The following TNKS variants were observed in gnomAD, a reference collection of about 807,000 sequenced individuals.
The protein encoded by TNKS is poly [ADP-ribose] polymerase tankyrase-1.
Under a neutral mutation model 135.8 loss-of-function variants are expected in TNKS, and 72 were observed. The observed-to-expected ratio is 0.53, with a 90% CI of 0.44 to 0.64. The LOEUF (loss-of-function observed/expected upper bound fraction) is 0.64. Among genes scored for constraint, TNKS ranks in the 30% least tolerant of loss-of-function variants. The pLI, the probability that TNKS is intolerant of heterozygous loss-of-function variation, is 0.00. For synonymous variants in TNKS, 849 were observed against 649.3 expected (o/e 1.31, Z -4.68); for missense variants, 1,769 against 1,674.0 (o/e 1.06, Z -0.99).
At chr8:9,747,936 G>A (rs1295113591) in intron 17 of TNKS, 88 bp from the exon 18 acceptor site, 4 of 1,264,286 alleles carry the variant, frequency 3.2e-6, no homozygotes, top group Non-Finnish European at 4.3e-6. Context: ...ACAGAGGAGT[G>A]AATTGTTAAA....
intron 1 of TNKS, among the ~76,000 whole-genome samples, chr8:9,574,403 C>T (rs1056185588): frequency 6.6e-6 from 1 of 152,142 alleles, no homozygotes; most frequent in African/African-American, 2.4e-5. Flanking sequence ...CTTCTTTGAC[C>T]CAGCTGTACT....
intron 3 of TNKS, among the ~76,000 whole-genome samples, chr8:9,647,798 G>A (rs938404470): frequency 6.6e-6 from 1 of 152,154 alleles, no homozygotes; most frequent in Admixed American, 6.5e-5. Context: ...AACGACATAA[G>A]TTCTATGAAA....
intron 1 of TNKS, among the ~76,000 whole-genome samples, chr8:9,578,184 A>C (rs1293897884): frequency 6.6e-6 from 1 of 152,204 alleles, no homozygotes; most frequent in South Asian, 2.1e-4. Flanking sequence ...GATTAGGGAA[A>C]TGGAAGTTTG....
intron 2 of TNKS, among the ~76,000 whole-genome samples, chr8:9,593,496 T>G (rs1412962777): frequency 1.3e-5 from 2 of 152,226 alleles, no homozygotes; most frequent in Non-Finnish European, 2.9e-5. Context: ...ATTTTTAGCT[T>G]AGCTTTTAAA....
intron 3 of TNKS, among the ~76,000 whole-genome samples, chr8:9,641,977 G>C (rs1365528845): frequency 3.4e-5 from 5 of 146,184 alleles, no homozygotes; most frequent in Non-Finnish European, 7.5e-5. Context: ...CAAATCATTG[G>C]ACACCTCGAA....
At position 9,709,966 on chromosome 8, in the gene TNKS, G is replaced by C; in HGVS notation, c.1590G>C (p.Val530=). The C allele has an allele frequency of 1.9e-6, 3 of 1,613,542 alleles. No homozygotes were observed. Among genetic ancestry groups the C allele is most frequent in the Non-Finnish European group, 2.5e-6 (3 of 1,179,844 alleles). Residue 530 remains valine, a synonymous_variant, in exon 10 of 27, where the codon GTG becomes GTC. Coordinates refer to ENST00000310430, the MANE Select transcript of TNKS (RefSeq NM_003747.3). ...QSHETALHCA[V]ASLHPKRKQV... is the part of the protein sequence containing the mutation. ...TGTTTACTTTATAGCACTGTGCTGT[G>C]GCCTCTCTGCATCCCAAACGTAAAC...
intron 3 of TNKS, among the ~76,000 whole-genome samples, chr8:9,634,819 C>G (rs1282870349): frequency 3.3e-5 from 5 of 152,084 alleles, no homozygotes; most frequent in Non-Finnish European, 7.4e-5. Flanking sequence ...AAAAAAATGA[C>G]TGATTTCAAA....
intron 3 of TNKS, among the ~76,000 whole-genome samples, chr8:9,640,700 G>C (rs979634949): frequency 6.9e-6 from 1 of 145,806 alleles, no homozygotes; most frequent in Non-Finnish European, 1.5e-5. Context: ...TGTAGGAGCT[G>C]GCCTGACATA....
intron 1 of TNKS, among the ~76,000 whole-genome samples, chr8:9,564,727 C>G (rs1217440902): frequency 6.6e-6 from 1 of 152,174 alleles, no homozygotes; most frequent in African/African-American, 2.4e-5. Context: ...TGTAGCCCTG[C>G]TCTTGAGGCA....
At chr8:9,572,372 A>C (rs752520519) in intron 1 of TNKS, among the ~76,000 whole-genome samples, 1 of 152,226 alleles carries the variant, frequency 6.6e-6, no homozygotes, top group Non-Finnish European at 1.5e-5. Context: ...TTTGCTACAA[A>C]GTGTCCATGC....
rs1435915142 is a variant in TNKS at position 9,751,700 on chromosome 8, C to T, written c.2924C>T (p.Ser975Phe). 6 of 1,614,210 alleles carry T rather than the reference C, an allele frequency of 3.7e-6. No homozygotes were observed. The highest frequency in any genetic ancestry group is 5.1e-6 in the Non-Finnish European group (6 of 1,180,032). ...FKPQATVVSA[S>F]LISPASTPSC... Reference sequence around the variant, plus strand: ...CCTCAGGCTACTGTAGTGAGTGCCTCTCTGATCTCACCAGCATCCACCCCC... The same window carrying T: ...CCTCAGGCTACTGTAGTGAGTGCCTTTCTGATCTCACCAGCATCCACCCCC... The change falls in exon 19 of 27, where the codon TCT (serine) becomes TTT (phenylalanine). Residue 975 changes from serine (S) to phenylalanine (F), a missense_variant. This residue lies in a region of TNKS where 722 missense variants were observed against 688.9 expected (regional missense o/e 1.05). Coordinates refer to ENST00000310430, the MANE Select transcript of TNKS (RefSeq NM_003747.3).
chr8:9,565,323 T>C (rs536570042), intron 1 of TNKS, among the ~76,000 whole-genome samples: 1 of 152,176 alleles, frequency 6.6e-6, no homozygotes, highest in Non-Finnish European at 1.5e-5. Flanking sequence ...TAACGTGATG[T>C]AAAATTTTTT....
At chr8:9,654,888 G>C (rs979237174) in intron 3 of TNKS, among the ~76,000 whole-genome samples, 1 of 149,548 alleles carries the variant, frequency 6.7e-6, no homozygotes, top group Non-Finnish European at 1.5e-5. Context: ...GGGGAGTGCC[G>C]GACAGTGGGT....
At chr8:9,630,814 A>G (rs1470111548) in intron 3 of TNKS, among the ~76,000 whole-genome samples, 1 of 152,222 alleles carries the variant, frequency 6.6e-6, no homozygotes, top group Non-Finnish European at 1.5e-5. Context: ...AAGAGATTCT[A>G]AAACTTTTCT....
intron 13 of TNKS, among the ~76,000 whole-genome samples, chr8:9,729,434 C>G (rs915451767): frequency 2.0e-5 from 3 of 152,322 alleles, no homozygotes; most frequent in Non-Finnish European, 2.9e-5. Context: ...TGCAATCGTC[C>G]TTTATAGCCT....
At chr8:9,758,149 A>G (rs1806941848) in intron 20 of TNKS, among the ~76,000 whole-genome samples, 1 of 152,208 alleles carries the variant, frequency 6.6e-6, no homozygotes, top group African/African-American at 2.4e-5. Flanking sequence ...CTGTCATTGT[A>G]AGGATTAAAT....
intron 2 of TNKS, among the ~76,000 whole-genome samples, chr8:9,582,491 G>T (rs1443963960): frequency 1.3e-5 from 2 of 152,138 alleles, no homozygotes; most frequent in South Asian, 4.1e-4. Flanking sequence ...TGATATTTTT[G>T]AAAAGCTAGA....
chr8:9,779,144 G>A lies in TNKS; in HGVS notation c.*2408G>A, dbSNP rs953158394. On this transcript the variant is annotated 3_prime_UTR_variant, in exon 27 of 27. Coordinates refer to ENST00000310430, the MANE Select transcript of TNKS (RefSeq NM_003747.3). ...GTGCATATATTACTCATCTGCTTAA[G>A]AGAGTGGGTTAATGGATATATCAGA... The A allele has an allele frequency of 1.3e-5, 2 of 152,578 alleles. No homozygotes were observed. The highest frequency in any genetic ancestry group is 1.9e-4 in the East Asian group (1 of 5,184). 9.5% of individuals were successfully genotyped at this position (152,578 alleles called of 1,614,324 possible). A position where few individuals can be genotyped will look rare whatever the true frequency, so the allele number is the denominator to read the frequency against.
chr8:9,740,531 T>C, intron 17 of TNKS, among the ~76,000 whole-genome samples: 1 of 152,150 alleles, frequency 6.6e-6, no homozygotes, highest in East Asian at 1.9e-4. Context: ...GAGGATACTT[T>C]TAAGGAAAGC....
Sources: gnomAD v4.1 joint callset for allele counts (sites outside exome capture counted in the v4.1 genomes callset) on GRCh38, gnomAD v4.1.1 for gene constraint, gnomAD v4.1.1 regional missense constraint, MANE v1.5 for transcripts, NCBI Gene and HGNC (gene_info 2026-07-23, HGNC 2026-07-21) for gene names.